The following IDUA variants were observed in gnomAD, a reference collection of about 807,000 sequenced individuals.
IDUA encodes the protein alpha-L-iduronidase, also known as iduronidase alpha-L-.
A neutral mutation model predicts 68.9 loss-of-function variants in IDUA; 65 were observed. That is an observed-to-expected ratio of 0.94 (90% CI 0.77 to 1.16). IDUA has a LOEUF of 1.16. Among genes scored for constraint, IDUA ranks in the 50% most tolerant of loss-of-function variants. IDUA has a pLI of 0.00. For missense variants in IDUA, 1,046 were observed against 938.0 expected, an observed-to-expected ratio of 1.12 and a Z score of -1.50; for synonymous variants, 529 against 433.6, an observed-to-expected ratio of 1.22 and a Z score of -2.73.
At position 1,002,068 on chromosome 4, in the gene IDUA, C is replaced by A. The variant is rs1472617552; in HGVS notation, c.879C>A (p.Thr293=). Residue 293 remains threonine, a synonymous_variant, in exon 7 of 14, where the codon ACC becomes ACA. Transcript: ENST00000514224. The part of the protein sequence containing the change: ...IRQLFPKFAD[T]PIYNDEADPL... ...AGCTCTTCCCCAAGTTCGCGGACACCCCCATTTACAACGACGAGGCGGACC... is the reference window on the plus strand; with the variant it reads ...AGCTCTTCCCCAAGTTCGCGGACACACCCATTTACAACGACGAGGCGGACC... 2 of 1,593,516 alleles carry A rather than the reference C, an allele frequency of 1.3e-6. No homozygotes were observed. The highest frequency in any genetic ancestry group is 1.1e-5 in the South Asian group (1 of 87,658).
chr4:995,166 G>A (rs572250604), intron 2 of IDUA, among the ~76,000 whole-genome samples: 6 of 151,108 alleles, frequency 4.0e-5, no homozygotes, highest in East Asian at 2.0e-4. Context: ...TGCCTCAGCC[G>A]CCTGAGTAGT....
rs746627874 is a variant in IDUA at position 989,475 on chromosome 4, G to A, written c.299+1526G>A. 2.5e-5 allele frequency: 39 copies of A among 1,554,112 alleles called. No individual in the cohort carries two copies. The highest frequency in any genetic ancestry group is 4.7e-5 in the South Asian group (4 of 84,530). ...AGAGGATGACGCCAGCCAGCAGCCC[G>A]GCCTCTGTGCTGACCAGCATACAGG... On this transcript the variant is annotated intron_variant, in intron 2 of 13. Coordinates refer to ENST00000514224, the MANE Select transcript of IDUA (RefSeq NM_000203.5).
chr4:1,004,433 G>C lies in IDUA; in HGVS notation c.*40G>C. On this transcript the variant is annotated 3_prime_UTR_variant, in exon 14 of 14. Transcript: ENST00000514224. The surrounding 1 kb of genome is among the most constrained non-coding windows in gnomAD (Gnocchi z 5.0). ...CCAGTGGGTTGCACCTCCACCGGCAGTCAGCGAGCTGGGGCTGCACTGTGC... is the reference window on the plus strand; with the variant it reads ...CCAGTGGGTTGCACCTCCACCGGCACTCAGCGAGCTGGGGCTGCACTGTGC... 2 of 1,605,230 alleles carry C rather than the reference G, an allele frequency of 1.2e-6. No homozygotes were observed. Among genetic ancestry groups the C allele is most frequent in the East Asian group, 2.2e-5 (1 of 44,870 alleles).
At chr4:991,436 A>G in intron 2 of IDUA, 1 of 1,612,788 alleles carries the variant, frequency 6.2e-7, no homozygotes, top group Non-Finnish European at 8.5e-7. Context: ...AGCAATGAGT[A>G]GGCGATGGCC....
intron 2 of IDUA, chr4:991,828 G>T: frequency 2.6e-6 from 4 of 1,532,588 alleles, no homozygotes; most frequent in Non-Finnish European, 3.5e-6. Flanking sequence ...CGGACCCCTC[G>T]CCCACCCAGG....
chr4:995,581 C>T (rs1577529798), intron 2 of IDUA, among the ~76,000 whole-genome samples: 2 of 152,194 alleles, frequency 1.3e-5, no homozygotes, highest in Admixed American at 1.3e-4. Flanking sequence ...TGACTCTGTC[C>T]GGGGAACAGA....
At chr4:996,731 G>A (rs922470300) in intron 2 of IDUA, among the ~76,000 whole-genome samples, 2 of 152,186 alleles carry the variant, frequency 1.3e-5, no homozygotes, top group African/African-American at 4.8e-5. Flanking sequence ...ACGTGTCTCT[G>A]CCTCAGTTTC....
intron 2 of IDUA, chr4:988,640 A>C: frequency 7.3e-7 from 1 of 1,378,356 alleles, no homozygotes; most frequent in Non-Finnish European, 9.3e-7. Context: ...TTGATTTCTG[A>C]GTGTTTGGGT....
chr4:999,711 G>A (rs918021911), intron 2 of IDUA: 2 of 141,388 alleles, frequency 1.4e-5, no homozygotes, highest in African/African-American at 5.4e-5. Context: ...TGGGAATTCA[G>A]CCCATCTGCA....
rs565649151 is a variant in IDUA at position 1,004,117 on chromosome 4, G to A, written c.1828+5G>A. 41 of 1,612,698 alleles carry A rather than the reference G, an allele frequency of 2.5e-5. No homozygotes were observed. In the East Asian group the frequency reaches 5.8e-4, roughly 23 times the overall value. On this transcript the variant is annotated splice_donor_5th_base_variant and intron_variant, in intron 13 of 13. Transcript: ENST00000514224. This position sits in a 1 kb window ranked among gnomAD's most constrained non-coding sequence, Gnocchi z 5.0. ...ACCTCTTTGTGTTCAGCCCAGGTGC[G>A]CCCACCACCCGCTGCCCTGGACTCG...
At chr4:991,316 A>C (rs1714296137) in intron 2 of IDUA, 2 of 1,612,846 alleles carry the variant, frequency 1.2e-6, no homozygotes, top group Non-Finnish European at 8.5e-7. Flanking sequence ...ACCATGAGGC[A>C]AAGCAGGCTG....
chr4:990,801 C>T (rs1308247172), intron 2 of IDUA: 2 of 397,530 alleles, frequency 5.0e-6, no homozygotes, highest in African/African-American at 2.1e-5. Flanking sequence ...TCCCCCACTC[C>T]ACCTAGGACA....
At chr4:1,001,125 G>A in intron 4 of IDUA, 136 bp downstream of exon 4, 1 of 699,104 alleles carries the variant, frequency 1.4e-6, no homozygotes. Context: ...GGGGATGGGG[G>A]TGACAAGGGA....
chr4:992,106 G>A (rs1009147445), intron 2 of IDUA: 32 of 501,050 alleles, frequency 6.4e-5, no homozygotes, highest in Non-Finnish European at 1.1e-4. Flanking sequence ...CCTCCCCAAC[G>A]GGGCAGGAAC....
rs760288223 is a variant in IDUA, at chr4:1,003,452, C to T, written c.1632C>T (p.Pro544=). 5 of 1,552,484 alleles carry T rather than the reference C, an allele frequency of 3.2e-6. No individual in the cohort carries two copies. Among genetic ancestry groups the T allele is most frequent in the Non-Finnish European group, 4.3e-6 (5 of 1,155,766 alleles). ...SLLLVHVCAR[P]EKPPGQVTRL... is the part of the protein sequence containing the mutation. ...TGCTGGTGCACGTGTGTGCGCGCCC[C>T]GAGAAGCCGCCCGGGCAGGCAAGTG... Residue 544 remains proline (P), a synonymous_variant, in exon 11 of 14, where the codon CCC becomes CCT. Coordinates refer to ENST00000514224, the MANE Select transcript of IDUA (RefSeq NM_000203.5).
At chr4:988,990 C>CT in intron 2 of IDUA, 1 of 1,592,938 alleles carries the variant, frequency 6.3e-7, no homozygotes, top group Non-Finnish European at 8.5e-7. Flanking sequence ...CACAGGCGGG[C>CT]TGCAGCAGGC....
At chr4:987,992 G>A in intron 2 of IDUA, 43 bp downstream of exon 2, 1 of 1,537,268 alleles carries the variant, frequency 6.5e-7, no homozygotes. Flanking sequence ...GCCCCTTACA[G>A]AGGCACAGAT....
At chr4:999,004 A>G (rs1174860223) in intron 2 of IDUA, among the ~76,000 whole-genome samples, 2 of 152,170 alleles carry the variant, frequency 1.3e-5, no homozygotes, top group Non-Finnish European at 2.9e-5. Flanking sequence ...GGAAATGGAA[A>G]CCATCCTGGC....
At chr4:1,000,502 C>A in intron 2 of IDUA, 110 bp from the exon 3 acceptor site, 1 of 863,640 alleles carries the variant, frequency 1.2e-6, no homozygotes, top group East Asian at 2.4e-5. Context: ...GATCGGAGTC[C>A]TGTGTGGCAC....
Sources: allele counts gnomAD v4.1 joint callset (sites outside exome capture counted in the v4.1 genomes callset), GRCh38; gene constraint gnomAD v4.1.1; non-coding constraint Gnocchi (gnomAD v3.1); transcripts MANE v1.5; gene names NCBI Gene and HGNC (gene_info 2026-07-23, HGNC 2026-07-21).